Variants in DENND2B observed in about 807,000 individuals in gnomAD.
DENND2B encodes the protein DENN domain containing 2B.
DENND2B carries 32 observed loss-of-function variants against 116.0 expected under a neutral mutation model. The ratio of observed to expected loss-of-function variants is 0.28; its 90% CI spans 0.21 to 0.37. The LOEUF (loss-of-function observed/expected upper bound fraction) is 0.37, where lower values mean the gene tolerates loss of function less well. DENND2B is among the 10% of genes least tolerant of loss of function. The pLI, the probability that DENND2B is intolerant of heterozygous loss-of-function variation, is 1.00. For missense variants in DENND2B, 1,276 were observed against 1,477.7 expected (o/e 0.86, Z 2.24); for synonymous variants, 588 against 583.9 (o/e 1.01, Z -0.10).
chr11:8,846,059 C>A (rs1035613554), intron 3 of DENND2B, among the ~76,000 whole-genome samples: 11 of 152,162 alleles, frequency 7.2e-5, no homozygotes, highest in African/African-American at 2.7e-4. Flanking sequence ...CATCATTCCC[C>A]ACTGCAAGTA....
intron 1 of DENND2B, chr11:8,784,193 A>G (rs2058668371): frequency 6.6e-6 from 1 of 151,574 alleles, no homozygotes; most frequent in Admixed American, 6.6e-5. Flanking sequence ...CTCAGGATTG[A>G]ACTATGATAA....
chr11:8,747,565 G>T (rs962651691), intron 2 of DENND2B, among the ~76,000 whole-genome samples: 1 of 152,154 alleles, frequency 6.6e-6, no homozygotes, highest in African/African-American at 2.4e-5. Context: ...CTGACCTCTA[G>T]AATTCAGAAG....
At chr11:8,701,046 C>T (rs1046917344) in intron 14 of DENND2B, among the ~76,000 whole-genome samples, 5 of 152,108 alleles carry the variant, frequency 3.3e-5, no homozygotes, top group Non-Finnish European at 7.4e-5. Context: ...CTCGGCCTCC[C>T]AAAGTGCTGG....
intron 1 of DENND2B, among the ~76,000 whole-genome samples, chr11:8,886,942 C>T (rs2063967700): frequency 6.6e-6 from 1 of 152,132 alleles, no homozygotes; most frequent in South Asian, 2.1e-4. Context: ...GATTCTCCTG[C>T]CTCAGCCTCC....
At chr11:8,732,101 T>C (rs60619855) in intron 2 of DENND2B, among the ~76,000 whole-genome samples, 2,591 of 152,252 alleles carry the variant, frequency 0.017, 80 homozygotes, top group African/African-American at 0.059. Context: ...CACTCTATCA[T>C]TGAGGAAGCC....
intron 1 of DENND2B, among the ~76,000 whole-genome samples, chr11:8,801,995 G>GAAA (rs35017643): frequency 1.7e-5 from 1 of 58,898 alleles, no homozygotes; most frequent in African/African-American, 7.7e-5. Flanking sequence ...CTCTCTTGGG[G>GAAA]AAAAAAAAAA....
chr11:8,867,251 T>C (rs1005464564), intron 2 of DENND2B, among the ~76,000 whole-genome samples: 2 of 152,220 alleles, frequency 1.3e-5, no homozygotes, highest in Non-Finnish European at 2.9e-5. Flanking sequence ...CTGCCCTTCC[T>C]GAGCCCATTA....
intron 2 of DENND2B, among the ~76,000 whole-genome samples, chr11:8,867,729 C>T (rs1273189303): frequency 1.3e-5 from 2 of 151,788 alleles, no homozygotes; most frequent in Admixed American, 1.3e-4. Context: ...ACCACAGGCA[C>T]ATGCCAACAT....
intron 2 of DENND2B, among the ~76,000 whole-genome samples, chr11:8,867,205 G>A (rs58735631): frequency 1.3e-5 from 2 of 152,116 alleles, no homozygotes; most frequent in African/African-American, 2.4e-5. Flanking sequence ...TATTCAAAGC[G>A]GCAGACTAAT....
chr11:8,772,463 T>C (rs1193479630), intron 1 of DENND2B, among the ~76,000 whole-genome samples: 4 of 151,956 alleles, frequency 2.6e-5, no homozygotes, highest in Admixed American at 2.0e-4. Context: ...AGTGTCAAAA[T>C]TGAATTAAAT....
At chr11:8,709,291 T>G (rs1271271486) in intron 11 of DENND2B, among the ~76,000 whole-genome samples, 1 of 152,108 alleles carries the variant, frequency 6.6e-6, no homozygotes, top group Non-Finnish European at 1.5e-5. Flanking sequence ...AGTGATTAAA[T>G]CAAGTATGTG....
chr11:8,753,027 A>C (rs576648424), intron 1 of DENND2B, among the ~76,000 whole-genome samples: 2 of 152,340 alleles, frequency 1.3e-5, no homozygotes, highest in Non-Finnish European at 2.9e-5. Flanking sequence ...CCTTGAGCCC[A>C]GGAGTTCAAG....
chr11:8,844,851 C>G (rs2062757473), intron 3 of DENND2B, among the ~76,000 whole-genome samples: 1 of 152,038 alleles, frequency 6.6e-6, no homozygotes, highest in Non-Finnish European at 1.5e-5. Context: ...CCTCCTGCTT[C>G]AGCCTCCCAA....
chr11:8,892,978 C>T (rs998353861), intron 1 of DENND2B, among the ~76,000 whole-genome samples: 9 of 152,212 alleles, frequency 5.9e-5, no homozygotes, highest in Non-Finnish European at 1.0e-4. Flanking sequence ...CCCTAGTGAA[C>T]ATCAATGCAA....
intron 2 of DENND2B, among the ~76,000 whole-genome samples, chr11:8,731,834 T>C (rs1030159473): frequency 5.3e-5 from 8 of 152,224 alleles, no homozygotes; most frequent in Non-Finnish European, 8.8e-5. Context: ...GTGACGTCAC[T>C]GGCTGTGGAG....
intron 1 of DENND2B, among the ~76,000 whole-genome samples, chr11:8,788,675 A>G (rs1252946783): frequency 6.6e-6 from 1 of 152,206 alleles, no homozygotes; most frequent in Non-Finnish European, 1.5e-5. Context: ...CAAAACTCTT[A>G]GCTCACAACT....
chr11:8,896,632 C>G (rs1253766547), intron 1 of DENND2B, among the ~76,000 whole-genome samples: 1 of 152,170 alleles, frequency 6.6e-6, no homozygotes, highest in Non-Finnish European at 1.5e-5. Flanking sequence ...TCAGTGGAAA[C>G]CATATGTTGA....
At chr11:8,902,471 T>C (rs2134762036) in intron 1 of DENND2B, among the ~76,000 whole-genome samples, 1 of 152,334 alleles carries the variant, frequency 6.6e-6, no homozygotes, top group East Asian at 1.9e-4. Context: ...TGCTATATCT[T>C]CCAGATGTAA....
intron 1 of DENND2B, among the ~76,000 whole-genome samples, chr11:8,887,732 T>C (rs2063978136): frequency 6.6e-6 from 1 of 152,154 alleles, no homozygotes; most frequent in Non-Finnish European, 1.5e-5. Context: ...GGAGCAAAAC[T>C]TCCCTAATCA....
Sources: gnomAD v4.1 joint callset for allele counts (sites outside exome capture counted in the v4.1 genomes callset) on GRCh38, gnomAD v4.1.1 for gene constraint, MANE v1.5 for transcripts, NCBI Gene and HGNC (gene_info 2026-07-23, HGNC 2026-07-21) for gene names.